The following PFKFB2 variants were observed in gnomAD, a reference collection of about 807,000 sequenced individuals.
The protein encoded by PFKFB2 is 6-phosphofructo-2-kinase/fructose-2,6-bisphosphatase 2.
Under a neutral mutation model 68.0 loss-of-function variants are expected in PFKFB2, and 53 were observed. The ratio of observed to expected loss-of-function variants is 0.78; its 90% CI spans 0.63 to 0.98. The LOEUF (loss-of-function observed/expected upper bound fraction) is 0.98. Ranked by LOEUF, PFKFB2 falls within the 50% of genes least tolerant of loss-of-function variation. The probability of loss-of-function intolerance (pLI) is 0.00; values close to 1 mark genes in which losing one functional copy is unlikely to be tolerated. For synonymous variants in PFKFB2, 222 were observed against 227.6 expected (o/e 0.98, Z 0.22); for missense variants, 451 against 642.0 (o/e 0.70, Z 3.22).
At chr1:207,050,761 G>C, upstream of PFKFB2, 1 of 1,613,416 alleles carries the variant, frequency 6.2e-7, no homozygotes, top group Non-Finnish European at 8.5e-7. Context: ...GGTATCCGAC[G>C]AGGATTCGCT....
chr1:207,056,595 T>C (rs1442643917), intron 2 of PFKFB2, among the ~76,000 whole-genome samples: 6 of 151,988 alleles, frequency 3.9e-5, no homozygotes, highest in Admixed American at 3.9e-4. Context: ...GGCTTTCAAG[T>C]CAGGGAAGCA....
chr1:207,053,011 T>C (rs1198238882), upstream of PFKFB2: 1 of 152,230 alleles, frequency 6.6e-6, no homozygotes, highest in African/African-American at 2.4e-5. Flanking sequence ...AAAGTCAAGC[T>C]TTTTATTAAC....
intron 1 of PFKFB2, among the ~76,000 whole-genome samples, chr1:207,040,736 A>G (rs1314454591): frequency 1.3e-5 from 2 of 152,168 alleles, no homozygotes; most frequent in African/African-American, 4.8e-5. Flanking sequence ...GCTTAAAGAT[A>G]TAAGATAAGC....
intron 1 of PFKFB2, among the ~76,000 whole-genome samples, chr1:207,039,788 G>GCCTGC (rs1682443516): frequency 6.6e-6 from 1 of 152,192 alleles, no homozygotes; most frequent in Non-Finnish European, 1.5e-5. Flanking sequence ...AAAAGATAGT[G>GCCTGC]AAGAATTTGG....
At chr1:207,078,679 A>G (rs945009628), downstream of PFKFB2, among the ~76,000 whole-genome samples, 5 of 152,144 alleles carry the variant, frequency 3.3e-5, no homozygotes, top group Non-Finnish European at 7.4e-5. Flanking sequence ...CCTGCTTCAT[A>G]TCTTGGGTAT....
intron 10 of PFKFB2, 70 bp from the exon 11 acceptor site, chr1:207,069,354 T>G (rs1683398935): frequency 9.7e-7 from 1 of 1,035,848 alleles, no homozygotes; most frequent in Non-Finnish European, 1.5e-6. Flanking sequence ...AATGTCATCT[T>G]CCTTATTTGG....
intron 14 of PFKFB2, 22 bp from the exon 15 acceptor site, chr1:207,072,182 G>C: frequency 6.2e-7 from 1 of 1,610,940 alleles, no homozygotes; most frequent in Non-Finnish European, 8.5e-7. Flanking sequence ...CATTTGTGTG[G>C]TGTCACTCCA....
chr1:207,052,666 C>A (rs1429015955), upstream of PFKFB2, among the ~76,000 whole-genome samples: 1 of 151,924 alleles, frequency 6.6e-6, no homozygotes, highest in Non-Finnish European at 1.5e-5. Flanking sequence ...AAACAAAAAC[C>A]AAACCAAACC....
chr1:207,080,540 T>C (rs1158948788), downstream of PFKFB2: 1 of 152,200 alleles, frequency 6.6e-6, no homozygotes, highest in Non-Finnish European at 1.5e-5. Flanking sequence ...ACTATAATGA[T>C]TTAGTTGTGA....
At chr1:207,071,314 G>T in intron 13 of PFKFB2, 64 bp downstream of exon 13, 1 of 1,414,202 alleles carries the variant, frequency 7.1e-7, no homozygotes, top group Non-Finnish European at 1.0e-6. Context: ...TTTCTCTGAA[G>T]TTTGTCTAGA....
At chr1:207,066,332 A>G (rs568251735) in intron 8 of PFKFB2, among the ~76,000 whole-genome samples, 7 of 152,242 alleles carry the variant, frequency 4.6e-5, no homozygotes, top group Non-Finnish European at 1.0e-4. Context: ...CTCTATTCAC[A>G]TAATACAGAC....
At chr1:207,058,003 T>C (rs989207691) in intron 2 of PFKFB2, among the ~76,000 whole-genome samples, 13 of 152,218 alleles carry the variant, frequency 8.5e-5, no homozygotes, top group Non-Finnish European at 4.4e-5. Flanking sequence ...GATAGACACA[T>C]TGGAAATGTT....
At chr1:207,064,131 T>C (rs79178367) in intron 7 of PFKFB2, among the ~76,000 whole-genome samples, 5 of 152,278 alleles carry the variant, frequency 3.3e-5, no homozygotes, top group Non-Finnish European at 7.3e-5. Context: ...CTAGGTATTA[T>C]CTGGATGTTG....
At chr1:207,061,153 TTATATATATCTTTATA>T (rs1200771376) in intron 2 of PFKFB2, among the ~76,000 whole-genome samples, 2 of 79,142 alleles carry the variant, frequency 2.5e-5, no homozygotes, top group Non-Finnish European at 4.9e-5. Flanking sequence ...TTATATATAT[TTATATATATCTTTATA>T]TATATATATA....
chr1:207,073,016 C>CT lies in PFKFB2; in HGVS notation c.*648dup, dbSNP rs1683514391. 1.0e-6 allele frequency: 1 copy of CT among 985,350 alleles called. No homozygotes were observed. The highest frequency in any genetic ancestry group is 6.1e-5 in the Admixed American group (1 of 16,272). The allele number at this position is 985,350 out of a possible 1,614,324, so 61.0% of individuals were successfully genotyped here. A position where few individuals can be genotyped will look rare whatever the true frequency, so the allele number is the denominator to read the frequency against. ...CTGGACTGGAGGAGTCTTTCCTTTC[C>CT]TTTCTCCCTTCCTCTCCAGCCAGGT... On this transcript the variant is annotated 3_prime_UTR_variant, in exon 15 of 15. Transcript: ENST00000367080.
At chr1:207,035,537 C>T (rs2842735) in intron 1 of PFKFB2, among the ~76,000 whole-genome samples, 17,063 of 151,880 alleles carry the variant, frequency 0.11, 3,138 homozygotes, top group African/African-American at 0.38. Context: ...ACCTGCAGTC[C>T]CAGGTGCTCG....
Position 207,065,154 on chromosome 1 carries a change from A to G in PFKFB2, c.626A>G (p.Tyr209Cys), listed in dbSNP as rs1347830773. ...VTYRPLDPDN[Y>C]DKDLSFIKVI... Reference sequence around the variant, plus strand: ...TACCGACCTCTTGACCCAGACAACTATGACAAGTAAGGTTTAAGGCCATGG... The same window carrying G: ...TACCGACCTCTTGACCCAGACAACTGTGACAAGTAAGGTTTAAGGCCATGG... The change falls in exon 8 of 15, where the codon TAT (tyrosine) becomes TGT (cysteine). Residue 209 changes from tyrosine to cysteine, a missense_variant. By Grantham distance (194) the Tyr-to-Cys change is radical (BLOSUM62 -2). Coordinates refer to ENST00000367080, the MANE Select transcript of PFKFB2 (RefSeq NM_006212.2). 7 of 1,613,722 alleles carry G rather than the reference A, an allele frequency of 4.3e-6. No homozygotes were observed. In the African/African-American group the frequency reaches 6.7e-5, roughly 15 times the overall value.
intron 1 of PFKFB2, among the ~76,000 whole-genome samples, chr1:207,054,070 A>G (rs1475932143): frequency 6.6e-6 from 1 of 150,988 alleles, no homozygotes; most frequent in African/African-American, 2.4e-5. Flanking sequence ...GGCCCGGCTA[A>G]TTTTTGTATT....
downstream of PFKFB2, chr1:207,079,944 G>A (rs898094034): frequency 1.3e-5 from 2 of 152,250 alleles, no homozygotes; most frequent in African/African-American, 2.4e-5. Context: ...CCTTGAGAGA[G>A]CTGTGGCTGT....
Sources: gnomAD v4.1 joint callset for allele counts (sites outside exome capture counted in the v4.1 genomes callset) on GRCh38, gnomAD v4.1.1 for gene constraint, MANE v1.5 for transcripts, NCBI Gene and HGNC (gene_info 2026-07-23, HGNC 2026-07-21) for gene names.